Variants in ABHD2 observed in about 807,000 individuals in gnomAD.
ABHD2 encodes monoacylglycerol lipase ABHD2.
ABHD2 carries 20 observed loss-of-function variants against 48.1 expected under a neutral mutation model. That is an observed-to-expected ratio of 0.42 (90% confidence interval 0.29 to 0.60). The LOEUF (loss-of-function observed/expected upper bound fraction) is 0.60, where lower values mean the gene tolerates loss of function less well. Ranked by LOEUF, ABHD2 falls within the 20% of genes least tolerant of loss-of-function variation. The pLI, the probability that ABHD2 is intolerant of heterozygous loss-of-function variation, is 0.24. For missense variants in ABHD2, 405 were observed against 550.9 expected (o/e 0.74, Z 2.65); for synonymous variants, 209 against 214.2 (o/e 0.98, Z 0.21).
the ABHD2 span, among the ~76,000 whole-genome samples, chr15:89,067,623 G>T: frequency 6.6e-6 from 1 of 152,138 alleles, no homozygotes; most frequent in South Asian, 2.1e-4. Context: ...CATGTTCCAA[G>T]ACTGTTTTAC....
chr15:89,123,341 T>C (rs1262252742), intron 3 of ABHD2, among the ~76,000 whole-genome samples: 4 of 152,180 alleles, frequency 2.6e-5, no homozygotes, highest in East Asian at 3.9e-4. Context: ...GGAAATCCAA[T>C]TGGAATGCTG....
chr15:89,138,815 C>T (rs192783942), intron 3 of ABHD2, among the ~76,000 whole-genome samples: 3 of 151,300 alleles, frequency 2.0e-5, no homozygotes, highest in East Asian at 1.9e-4. Flanking sequence ...AAGTAAGGAA[C>T]GCTTTGGACT....
At chr15:89,152,101 A>C (rs1295908594) in intron 4 of ABHD2, among the ~76,000 whole-genome samples, 1 of 147,794 alleles carries the variant, frequency 6.8e-6, no homozygotes, top group East Asian at 2.0e-4. Flanking sequence ...TTTGAGACGG[A>C]GTCTCGCTGT....
intron 1 of ABHD2, 81 bp from the exon 2 acceptor site, chr15:89,113,644 C>A (rs1259997204): frequency 6.6e-6 from 1 of 152,168 alleles, no homozygotes; most frequent in Non-Finnish European, 1.5e-5. Flanking sequence ...ACTTTAAATG[C>A]AGAGGAACTT....
At position 89,153,392 on chromosome 15, in the gene ABHD2, T is replaced by C. The variant is rs568042490; in HGVS notation, c.370+1540T>C. ...ACTGTGTTTATAAATCTGTAGCTGG[T>C]TTTTCCAATAGTTATTTATTCACCA... On this transcript the variant is annotated intron_variant, in intron 4 of 10. Coordinates refer to ENST00000352732, the MANE Select transcript of ABHD2 (RefSeq NM_152924.5). Among the ~76,000 whole-genome samples, 332 of 152,316 alleles carry C rather than the reference T, an allele frequency of 2.2e-3. 5 individuals carry two copies. The highest frequency in any genetic ancestry group is 5.0e-4 in the Non-Finnish European group (34 of 68,032).
At position 89,195,319 on chromosome 15, in the gene ABHD2, T is replaced by C; in HGVS notation, c.1174T>C (p.Trp392Arg). 1 of 1,614,176 alleles carries C rather than the reference T, an allele frequency of 6.2e-7. No individual in the cohort carries two copies. The highest frequency in any genetic ancestry group is 8.5e-7 in the Non-Finnish European group (1 of 1,180,010). Residue 392 changes from tryptophan (W) to arginine (R), a missense_variant, in exon 11 of 11, where the codon TGG becomes CGG. Transcript: ENST00000352732. This position sits in a 1 kb window ranked among gnomAD's most constrained non-coding sequence, Gnocchi z 5.1. ...GSVLFPEPLT[W>R]MDKLVVEYAN... Reference sequence around the variant, plus strand: ...TGTGCTGTTCCCCGAGCCCCTGACATGGATGGATAAGCTGGTGGTGGAGTA... The same window carrying C: ...TGTGCTGTTCCCCGAGCCCCTGACACGGATGGATAAGCTGGTGGTGGAGTA...
At chr15:89,101,509 GT>G (rs2049700406) in intron 1 of ABHD2, among the ~76,000 whole-genome samples, 2 of 152,236 alleles carry the variant, frequency 1.3e-5, no homozygotes, top group South Asian at 4.1e-4. Flanking sequence ...AATGCTTTAG[GT>G]TAATGCCACA....
At position 89,193,276 on chromosome 15, in the gene ABHD2, G is replaced by A. The variant is rs139000256; in HGVS notation, c.1038G>A (p.Pro346=). ...TGCTGGTTAATGCAGCTGACGATCC[G>A]TTGGTGCATGAAAGTCTTCTAACCA... ...PLMLVNAADD[P]LVHESLLTIP... Residue 346 remains proline (P), a synonymous_variant, in exon 10 of 11, where the codon CCG becomes CCA. Coordinates refer to ENST00000352732, the MANE Select transcript of ABHD2 (RefSeq NM_152924.5). 3.8e-5 allele frequency: 62 copies of A among 1,614,056 alleles called. No individual in the cohort carries two copies. Among genetic ancestry groups the A allele is most frequent in the Admixed American group, 3.2e-4 (19 of 60,012 alleles).
chr15:89,099,018 C>T (rs1567066065), intron 1 of ABHD2, among the ~76,000 whole-genome samples: 1 of 152,186 alleles, frequency 6.6e-6, no homozygotes. Context: ...CTCTGTATTC[C>T]TAGAGCCTCA....
chr15:89,065,828 C>G, the ABHD2 span, among the ~76,000 whole-genome samples: 1 of 152,134 alleles, frequency 6.6e-6, no homozygotes, highest in Non-Finnish European at 1.5e-5. Context: ...TGCAGGATCC[C>G]AGGGAAAAGG....
At chr15:89,172,130 A>C (rs2050939719) in intron 5 of ABHD2, among the ~76,000 whole-genome samples, 1 of 152,122 alleles carries the variant, frequency 6.6e-6, no homozygotes, top group Non-Finnish European at 1.5e-5. Flanking sequence ...TCTTGTTTAA[A>C]TATATTTTTA....
the ABHD2 span, among the ~76,000 whole-genome samples, chr15:89,065,650 G>T: frequency 6.6e-6 from 1 of 152,258 alleles, no homozygotes; most frequent in African/African-American, 2.4e-5. Context: ...AATGAATATA[G>T]GCTTTTCCAC....
intron 3 of ABHD2, chr15:89,136,241 T>C: frequency 5.9e-6 from 2 of 339,914 alleles, no homozygotes; most frequent in Non-Finnish European, 1.2e-5. Context: ...AACGTCTTTT[T>C]TGTCTCCCCT....
chr15:89,054,348 AAG>A, the ABHD2 span, among the ~76,000 whole-genome samples: 1 of 152,012 alleles, frequency 6.6e-6, no homozygotes, highest in Admixed American at 6.6e-5. Flanking sequence ...ATTTTTAAAA[AAG>A]AATTTATGCT....
chr15:89,152,700 T>C (rs551772043), intron 4 of ABHD2, among the ~76,000 whole-genome samples: 1 of 152,254 alleles, frequency 6.6e-6, no homozygotes, highest in South Asian at 2.1e-4. Flanking sequence ...AATAGACACA[T>C]TGAGGTCATA....
At position 89,143,374 on chromosome 15, in the gene ABHD2, T is replaced by C. The variant is rs115817044; in HGVS notation, c.195-8303T>C. On this transcript the variant is annotated intron_variant, in intron 3 of 10. Transcript: ENST00000352732. ...TATATTTATCAACTAATTCATTTTT[T>C]AAAAAAAGTGTGGCCAAGTGCGGTG... is the stretch of plus-strand genomic sequence containing the variant. Among the ~76,000 whole-genome samples the C allele has an allele frequency of 3.8e-3, 581 of 152,258 alleles. 6 individuals are homozygous for C. The highest frequency in any genetic ancestry group is 0.013 in the African/African-American group (549 of 41,544).
At chr15:89,152,161 C>T (rs963951282) in intron 4 of ABHD2, among the ~76,000 whole-genome samples, 2 of 151,970 alleles carry the variant, frequency 1.3e-5, no homozygotes, top group African/African-American at 2.4e-5. Flanking sequence ...CTGCAAGCTC[C>T]GCCTCCCAGG....
At position 89,102,993 on chromosome 15, in the gene ABHD2, C is replaced by T. The variant is rs557123730; in HGVS notation, c.-106-10732C>T. Among the ~76,000 whole-genome samples, 15 of 152,280 alleles carry T rather than the reference C, an allele frequency of 9.9e-5. 1 individual carries two copies. The South Asian group carries it at 2.3e-3, about 23-fold the overall frequency. On this transcript the variant is annotated intron_variant, in intron 1 of 10. Coordinates refer to ENST00000352732, the MANE Select transcript of ABHD2 (RefSeq NM_152924.5). This position sits in a 1 kb window ranked among gnomAD's most constrained non-coding sequence, Gnocchi z 4.8. ...ACAATAGTGGAGTGTTTGTGGTGGA[C>T]GGACGGGAGAGAGGAACACTTGAGG...
rs185380641 is a variant in ABHD2, at chr15:89,196,835, C to A, written c.*1412C>A. 179 of 152,710 alleles carry A rather than the reference C, an allele frequency of 1.2e-3. No individual in the cohort carries two copies. Among genetic ancestry groups the A allele is most frequent in the Non-Finnish European group, 1.9e-3 (126 of 68,034 alleles). 9.5% of individuals were successfully genotyped at this position (152,710 alleles called of 1,614,324 possible). On this transcript the variant is annotated 3_prime_UTR_variant, in exon 11 of 11. Coordinates refer to ENST00000352732, the MANE Select transcript of ABHD2 (RefSeq NM_152924.5). ...TGTGTCTTCTCAAGTGAAAACGCAA[C>A]TCTAGGTTTCAAGTACTCCTTTTCT... is the stretch of plus-strand genomic sequence containing the variant.
Sources: allele counts gnomAD v4.1 joint callset (sites outside exome capture counted in the v4.1 genomes callset), GRCh38; gene constraint gnomAD v4.1.1; non-coding constraint Gnocchi (gnomAD v3.1); transcripts MANE v1.5; gene names NCBI Gene and HGNC (gene_info 2026-07-23, HGNC 2026-07-21).